Variants in SMOC2 observed in about 807,000 individuals in gnomAD.
SMOC2 encodes the protein SPARC related modular calcium binding 2, also known as SPARC-related modular calcium-binding protein 2.
SMOC2 carries 39 observed loss-of-function variants against 61.4 expected under a neutral mutation model. That is an observed-to-expected ratio of 0.64 (90% CI 0.49 to 0.83). The LOEUF is 0.83. SMOC2 is among the 40% of genes least tolerant of loss of function. The probability of loss-of-function intolerance (pLI) is 0.00; values close to 1 mark genes in which losing one functional copy is unlikely to be tolerated. For missense variants in SMOC2, 556 were observed against 592.9 expected, an observed-to-expected ratio of 0.94 and a Z score of 0.65; for synonymous variants, 247 against 239.9, an observed-to-expected ratio of 1.03 and a Z score of -0.27.
intron 9 of SMOC2, among the ~76,000 whole-genome samples, chr6:168,645,934 G>A (rs1787018471): frequency 6.6e-6 from 1 of 152,194 alleles, no homozygotes; most frequent in African/African-American, 2.4e-5. Context: ...TGGATACATA[G>A]ACAATGATGA....
intron 2 of SMOC2, 64 bp from the exon 3 acceptor site, chr6:168,526,282 T>C: frequency 6.9e-7 from 1 of 1,443,442 alleles, no homozygotes. Flanking sequence ...CTTTCAATGT[T>C]CCTATATCTG....
At chr6:168,572,425 C>G (rs367799889) in intron 7 of SMOC2, among the ~76,000 whole-genome samples, 5 of 6,774 alleles carry the variant, frequency 7.4e-4, no homozygotes, top group African/African-American at 2.5e-3. Flanking sequence ...TTCATTTCCT[C>G]CCCGCATCCC....
chr6:168,526,961 G>T (rs568762751), intron 3 of SMOC2, among the ~76,000 whole-genome samples: 52 of 152,300 alleles, frequency 3.4e-4, no homozygotes, highest in African/African-American at 1.3e-3. Context: ...CCAGCTCTCC[G>T]TTTTGAGTGT....
At chr6:168,557,867 G>A (rs1231020481) in intron 7 of SMOC2, among the ~76,000 whole-genome samples, 1 of 152,240 alleles carries the variant, frequency 6.6e-6, no homozygotes, top group African/African-American at 2.4e-5. Context: ...GGAGCTGCTT[G>A]TCTCATAGGA....
At chr6:168,467,557 C>G (rs2609335) in intron 1 of SMOC2, among the ~76,000 whole-genome samples, 1 of 152,050 alleles carries the variant, frequency 6.6e-6, no homozygotes, top group African/African-American at 2.4e-5. Flanking sequence ...ATCCACCCGC[C>G]TCGGCCTCCC....
At chr6:168,585,229 G>A (rs1033606045) in intron 7 of SMOC2, among the ~76,000 whole-genome samples, 4 of 152,186 alleles carry the variant, frequency 2.6e-5, no homozygotes, top group Admixed American at 6.5e-5. Context: ...AAAGGGCTGG[G>A]ATTACAGGTG....
chr6:168,514,468 TGAAG>T (rs1275279036), intron 2 of SMOC2, among the ~76,000 whole-genome samples: 1 of 152,246 alleles, frequency 6.6e-6, no homozygotes, highest in Non-Finnish European at 1.5e-5. Flanking sequence ...GTACATGGCT[TGAAG>T]GAAGCATGTT....
chr6:168,554,477 C>T (rs1314294748), intron 7 of SMOC2, among the ~76,000 whole-genome samples: 1 of 150,896 alleles, frequency 6.6e-6, no homozygotes, highest in African/African-American at 2.5e-5. Context: ...TTCTGCTGGG[C>T]TCCTGGGCTC....
At chr6:168,623,827 G>GAGATGCACA (rs1174512371) in intron 9 of SMOC2, among the ~76,000 whole-genome samples, 1 of 152,164 alleles carries the variant, frequency 6.6e-6, no homozygotes, top group East Asian at 1.9e-4. Flanking sequence ...CAGTGATTCA[G>GAGATGCACA]AGATGCACAA....
At chr6:168,629,059 A>C (rs1010867918) in intron 9 of SMOC2, among the ~76,000 whole-genome samples, 3 of 152,122 alleles carry the variant, frequency 2.0e-5, no homozygotes, top group Admixed American at 6.5e-5. Context: ...TCTGGGGAAA[A>C]CTTGCCCTTG....
chr6:168,567,182 A>G (rs936644267), intron 7 of SMOC2, among the ~76,000 whole-genome samples: 5 of 152,266 alleles, frequency 3.3e-5, no homozygotes, highest in African/African-American at 1.2e-4. Context: ...GTATAAGTCA[A>G]TATTTAAAAC....
intron 2 of SMOC2, among the ~76,000 whole-genome samples, chr6:168,525,808 C>T (rs192175995): frequency 2.6e-5 from 4 of 152,278 alleles, no homozygotes; most frequent in East Asian, 1.9e-4. Context: ...GGGACGGTGC[C>T]CTGGGCTGCA....
At chr6:168,648,646 G>A (rs901593904) in intron 9 of SMOC2, among the ~76,000 whole-genome samples, 5 of 152,200 alleles carry the variant, frequency 3.3e-5, no homozygotes, top group African/African-American at 1.2e-4. Context: ...TGGCCGTGAT[G>A]CTTTTTGCTA....
At chr6:168,528,953 C>T (rs906312501) in intron 4 of SMOC2, among the ~76,000 whole-genome samples, 2 of 152,154 alleles carry the variant, frequency 1.3e-5, no homozygotes, top group African/African-American at 4.8e-5. Flanking sequence ...CCACAAGCAG[C>T]ATTTTGAGGT....
chr6:168,573,061 G>C (rs1231213538), intron 7 of SMOC2, among the ~76,000 whole-genome samples: 35 of 93,848 alleles, frequency 3.7e-4, no homozygotes, highest in African/African-American at 1.2e-3. Context: ...ATCCCCGGGT[G>C]CGGGGACCAG....
rs1269559865 is a variant in SMOC2 at position 168,475,027 on chromosome 6, A to C, written c.84+33573A>C. Among the ~76,000 whole-genome samples the C allele has an allele frequency of 6.6e-6, 1 of 152,166 alleles. No homozygotes were observed. The highest frequency in any genetic ancestry group is 1.5e-5 in the Non-Finnish European group (1 of 68,016). ...CATTTTTGAGGAGAAAGAAGAAAAA[A>C]GAATGTAAGGTCGTTGTGGCTGTAG... is the stretch of plus-strand genomic sequence containing the variant. On this transcript the variant is annotated intron_variant, in intron 1 of 12. Transcript: ENST00000356284. The surrounding 1 kb of genome is among the most constrained non-coding windows in gnomAD (Gnocchi z 4.6).
intron 7 of SMOC2, among the ~76,000 whole-genome samples, chr6:168,581,697 A>G (rs935159031): frequency 2.0e-5 from 3 of 152,242 alleles, no homozygotes; most frequent in Admixed American, 1.3e-4. Context: ...CTGTAGACAC[A>G]CAAGCTCAAG....
At chr6:168,504,032 C>T (rs1782804182) in intron 1 of SMOC2, among the ~76,000 whole-genome samples, 2 of 152,234 alleles carry the variant, frequency 1.3e-5, no homozygotes, top group Middle Eastern at 6.8e-3. Flanking sequence ...GAGGCACTGG[C>T]CACCACGATG....
chr6:168,483,205 A>AC (rs1489558471), intron 1 of SMOC2, among the ~76,000 whole-genome samples: 5 of 151,802 alleles, frequency 3.3e-5, no homozygotes, highest in Admixed American at 6.6e-5. Context: ...ACACACACAC[A>AC]AAAAAACTTG....
Sources: allele counts gnomAD v4.1 joint callset (sites outside exome capture counted in the v4.1 genomes callset), GRCh38; gene constraint gnomAD v4.1.1; non-coding constraint Gnocchi (gnomAD v3.1); transcripts MANE v1.5; gene names NCBI Gene and HGNC (gene_info 2026-07-23, HGNC 2026-07-21).